Variants in PTPN14 observed in about 807,000 individuals in gnomAD.
PTPN14 encodes the protein protein tyrosine phosphatase non-receptor type 14.
A neutral mutation model predicts 126.8 loss-of-function variants in PTPN14; 53 were observed. The ratio of observed to expected loss-of-function variants is 0.42; its 90% CI spans 0.34 to 0.53. The LOEUF (loss-of-function observed/expected upper bound fraction) is 0.53. PTPN14 is among the 20% of genes least tolerant of loss of function. The pLI is 0.08. For synonymous variants in PTPN14, 630 were observed against 599.3 expected (o/e 1.05, Z -0.75); for missense variants, 1,257 against 1,552.9 (o/e 0.81, Z 3.20).
intron 11 of PTPN14, among the ~76,000 whole-genome samples, chr1:214,388,506 A>C (rs1658676535): frequency 6.6e-6 from 1 of 151,930 alleles, no homozygotes; most frequent in African/African-American, 2.4e-5. Flanking sequence ...TCCCGGGTTC[A>C]AGAGATTCTC....
intron 14 of PTPN14, 84 bp from the exon 15 acceptor site, chr1:214,376,521 C>G (rs893542121): frequency 1.7e-6 from 2 of 1,182,344 alleles, no homozygotes; most frequent in Non-Finnish European, 2.4e-6. Context: ...AAATATTTAG[C>G]GATTGTGTTA....
intron 1 of PTPN14, among the ~76,000 whole-genome samples, chr1:214,508,231 G>A (rs1273448525): frequency 6.6e-6 from 1 of 152,148 alleles, no homozygotes; most frequent in Non-Finnish European, 1.5e-5. Context: ...AATGCTGTTT[G>A]ACAGCATTTT....
chr1:214,476,378 C>G (rs556073820), intron 1 of PTPN14, among the ~76,000 whole-genome samples: 1 of 152,222 alleles, frequency 6.6e-6, no homozygotes, highest in Non-Finnish European at 1.5e-5. Flanking sequence ...CGCTCTTTTC[C>G]GGAGAGGTGC....
rs781692713 is a variant in PTPN14 at position 214,451,974 on chromosome 1, T to C, written c.175A>G (p.Thr59Ala). The change falls in exon 3 of 19, where the codon ACG becomes GCG. Residue 59 changes from threonine (T) to alanine (A), a missense_variant and splice_region_variant. Transcript: ENST00000366956. ...AGAAACCAAAGGCCAAAGTAGTGCGTCTAGATAAAAGGGTAAAATAGCATC... is the reference window on the plus strand; with the variant it reads ...AGAAACCAAAGGCCAAAGTAGTGCGCCTAGATAAAAGGGTAAAATAGCATC... The part of the protein sequence containing the change: ...AVAQRLELRE[T>A]HYFGLWFLSK... The C allele has an allele frequency of 3.1e-6, 5 of 1,613,130 alleles. No individual in the cohort carries two copies. The highest frequency in any genetic ancestry group is 4.2e-6 in the Non-Finnish European group (5 of 1,179,530).
At chr1:214,539,940 C>A (rs1655795928) in intron 1 of PTPN14, among the ~76,000 whole-genome samples, 1 of 152,154 alleles carries the variant, frequency 6.6e-6, no homozygotes, top group African/African-American at 2.4e-5. Flanking sequence ...TTTTTAGACA[C>A]TTCTTAGGTA....
chr1:214,369,440 G>T lies in PTPN14; in HGVS notation c.3271+17C>A. On this transcript the variant is annotated intron_variant, in intron 17 of 18. Transcript: ENST00000366956. ...TAAAAGTCAGTCAGGTAGCAGACTG[G>T]GAAGAAAAACACTTACATAAAAATC... 6.2e-7 allele frequency: 1 copy of T among 1,604,408 alleles called. No homozygotes were observed. The highest frequency in any genetic ancestry group is 8.5e-7 in the Non-Finnish European group (1 of 1,171,280).
At position 214,495,771 on chromosome 1, in the gene PTPN14, C is replaced by T. The variant is rs1012159419; in HGVS notation, c.-154-30814G>A. Among the ~76,000 whole-genome samples the T allele has an allele frequency of 6.6e-5, 10 of 152,072 alleles. No individual in the cohort carries two copies. In the East Asian group the frequency reaches 9.7e-4, roughly 15 times the overall value. On this transcript the variant is annotated intron_variant, in intron 1 of 18. Transcript: ENST00000366956. Reference sequence around the variant, plus strand: ...GTGCAATGGTGCGATCTCAGCTCACCGCAACCTCCGCCTCCCTGGTTCAAG... The same window carrying T: ...GTGCAATGGTGCGATCTCAGCTCACTGCAACCTCCGCCTCCCTGGTTCAAG...
Position 214,392,681 on chromosome 1 carries a change from G to A in PTPN14, c.929+1014C>T, listed in dbSNP as rs145021120. Among the ~76,000 whole-genome samples, 4 of 152,198 alleles carry A rather than the reference G, an allele frequency of 2.6e-5. No homozygotes were observed. In the East Asian group the frequency reaches 5.8e-4, roughly 22 times the overall value. On this transcript the variant is annotated intron_variant, in intron 10 of 18. Coordinates refer to ENST00000366956, the MANE Select transcript of PTPN14 (RefSeq NM_005401.5). Reference sequence around the variant, plus strand: ...ACAGCCGCTTCACTTGCCACTCCCCGATCAGGCCTTCTTCTGATTCACATT... The same window carrying A: ...ACAGCCGCTTCACTTGCCACTCCCCAATCAGGCCTTCTTCTGATTCACATT...
At chr1:214,484,726 T>C (rs1485275564) in intron 1 of PTPN14, among the ~76,000 whole-genome samples, 2 of 152,106 alleles carry the variant, frequency 1.3e-5, no homozygotes, top group Non-Finnish European at 2.9e-5. Flanking sequence ...AGGTTATGGG[T>C]AGGGAAGGAC....
intron 1 of PTPN14, among the ~76,000 whole-genome samples, chr1:214,480,033 A>G (rs1261938911): frequency 1.3e-5 from 2 of 152,324 alleles, no homozygotes; most frequent in South Asian, 2.1e-4. Context: ...AAACTGTTGC[A>G]TAATATTCCA....
chr1:214,519,129 C>T (rs1389725691), intron 1 of PTPN14, among the ~76,000 whole-genome samples: 3 of 152,072 alleles, frequency 2.0e-5, no homozygotes, highest in Non-Finnish European at 4.4e-5. Flanking sequence ...ATCAGCCAGG[C>T]ATGGTGGTGG....
intron 1 of PTPN14, among the ~76,000 whole-genome samples, chr1:214,522,267 T>C (rs981768423): frequency 2.0e-5 from 3 of 152,030 alleles, no homozygotes; most frequent in Non-Finnish European, 4.4e-5. Context: ...TCCCCACAAC[T>C]ATGAGAGATT....
intron 2 of PTPN14, among the ~76,000 whole-genome samples, chr1:214,453,308 T>G (rs893388067): frequency 1.3e-5 from 2 of 152,216 alleles, no homozygotes; most frequent in African/African-American, 2.4e-5. Flanking sequence ...ACTGAGTCCA[T>G]TAGTTGTTCC....
At chr1:214,526,364 T>C (rs1482671986) in intron 1 of PTPN14, among the ~76,000 whole-genome samples, 2 of 152,124 alleles carry the variant, frequency 1.3e-5, no homozygotes, top group Non-Finnish European at 2.9e-5. Context: ...CAACAGTAAT[T>C]CAAATACCAT....
At chr1:214,474,399 C>T (rs1405131151) in intron 1 of PTPN14, among the ~76,000 whole-genome samples, 1 of 152,180 alleles carries the variant, frequency 6.6e-6, no homozygotes, top group Non-Finnish European at 1.5e-5. Context: ...CTTGACCTGA[C>T]TTCTCAGCCC....
At chr1:214,417,151 G>A (rs1345462844) in intron 3 of PTPN14, among the ~76,000 whole-genome samples, 1 of 152,146 alleles carries the variant, frequency 6.6e-6, no homozygotes, top group Non-Finnish European at 1.5e-5. Context: ...CCTGGAAATA[G>A]TCCATCTGAC....
At chr1:214,526,859 A>G (rs1444249837) in intron 1 of PTPN14, among the ~76,000 whole-genome samples, 1 of 152,204 alleles carries the variant, frequency 6.6e-6, no homozygotes, top group African/African-American at 2.4e-5. Flanking sequence ...TCGGAGGCCA[A>G]CGCGGGGGGA....
At chr1:214,506,610 G>C (rs1419159391) in intron 1 of PTPN14, among the ~76,000 whole-genome samples, 1 of 152,064 alleles carries the variant, frequency 6.6e-6, no homozygotes, top group Non-Finnish European at 1.5e-5. Context: ...CCTTTAATTG[G>C]ATGTGACAAA....
chr1:214,439,554 T>C (rs953140882), intron 3 of PTPN14, among the ~76,000 whole-genome samples: 3 of 152,162 alleles, frequency 2.0e-5, no homozygotes, highest in African/African-American at 7.2e-5. Context: ...TCAGGCGAAA[T>C]GTCTACTCAC....
Sources: gnomAD v4.1 joint callset for allele counts (sites outside exome capture counted in the v4.1 genomes callset) on GRCh38, gnomAD v4.1.1 for gene constraint, MANE v1.5 for transcripts, NCBI Gene and HGNC (gene_info 2026-07-23, HGNC 2026-07-21) for gene names.